Variants in SUPT3H observed in about 807,000 individuals in gnomAD.
SUPT3H encodes SPT3 homolog, SAGA and STAGA complex component, also known as transcription initiation protein SPT3 homolog.
In SUPT3H, 44 loss-of-function variants were observed where a neutral mutation model predicts 44.3. The observed-to-expected ratio is 0.99, with a 90% CI of 0.78 to 1.28. The LOEUF is 1.28. SUPT3H is among the 50% of genes most tolerant of loss of function. The pLI is 0.00. For synonymous variants in SUPT3H, 124 were observed against 125.6 expected, an observed-to-expected ratio of 0.99 and a Z score of 0.09; for missense variants, 380 against 387.1, an observed-to-expected ratio of 0.98 and a Z score of 0.15.
At chr6:44,915,682 C>T (rs1767700760) in intron 10 of SUPT3H, among the ~76,000 whole-genome samples, 1 of 152,142 alleles carries the variant, frequency 6.6e-6, no homozygotes, top group African/African-American at 2.4e-5. Context: ...TTTTGGTCTC[C>T]ACAACCTCTT....
chr6:45,119,776 T>C (rs955186590), intron 2 of SUPT3H, among the ~76,000 whole-genome samples: 2 of 152,180 alleles, frequency 1.3e-5, no homozygotes, highest in Non-Finnish European at 2.9e-5. Flanking sequence ...GTTTGAAATT[T>C]CATTAAACTT....
intron 2 of SUPT3H, among the ~76,000 whole-genome samples, chr6:45,136,616 A>AC (rs544687178): frequency 2.4e-4 from 36 of 152,220 alleles, no homozygotes; most frequent in African/African-American, 8.7e-4. Context: ...TAAAAAAAAA[A>AC]ACAGAAATTC....
intron 9 of SUPT3H, among the ~76,000 whole-genome samples, chr6:44,942,748 C>A (rs1246431695): frequency 2.0e-5 from 3 of 152,124 alleles, no homozygotes; most frequent in Non-Finnish European, 4.4e-5. Context: ...TTTACTAACC[C>A]CTAAGTTCTT....
At chr6:45,329,646 G>T (rs1787058155) in intron 2 of SUPT3H, among the ~76,000 whole-genome samples, 1 of 151,826 alleles carries the variant, frequency 6.6e-6, no homozygotes, top group Admixed American at 6.6e-5. Flanking sequence ...GAAAAATAAA[G>T]CTCCATAAGG....
chr6:45,170,518 A>C (rs1810595882), intron 2 of SUPT3H, among the ~76,000 whole-genome samples: 1 of 152,240 alleles, frequency 6.6e-6, no homozygotes, highest in South Asian at 2.1e-4. Flanking sequence ...AAATCAGTTC[A>C]GCGAAATTCT....
At chr6:45,212,864 C>A (rs972048961) in intron 2 of SUPT3H, among the ~76,000 whole-genome samples, 1 of 152,128 alleles carries the variant, frequency 6.6e-6, no homozygotes, top group Admixed American at 6.5e-5. Flanking sequence ...GTCCTTCCCC[C>A]ACCATGGATG....
intron 2 of SUPT3H, among the ~76,000 whole-genome samples, chr6:45,189,820 G>A (rs540568832): frequency 6.6e-5 from 10 of 152,168 alleles, no homozygotes; most frequent in Admixed American, 3.9e-4. Context: ...ATAACCCCAC[G>A]TTCCTTGATG....
At chr6:45,328,253 T>C (rs1418290517) in intron 2 of SUPT3H, 1 of 1,332,488 alleles carries the variant, frequency 7.5e-7, no homozygotes, top group Non-Finnish European at 1.0e-6. Context: ...ACCACATGAT[T>C]CTGCCTCTCC....
At chr6:45,369,988 T>C (rs1795785820) in intron 1 of SUPT3H, among the ~76,000 whole-genome samples, 1 of 152,174 alleles carries the variant, frequency 6.6e-6, no homozygotes, top group Non-Finnish European at 1.5e-5. Context: ...GCAGATCTTA[T>C]AAAGCCTTTA....
intron 2 of SUPT3H, among the ~76,000 whole-genome samples, chr6:45,166,657 G>C (rs866291738): frequency 6.7e-6 from 1 of 149,652 alleles, no homozygotes; most frequent in African/African-American, 2.4e-5. Flanking sequence ...GTAATATCAC[G>C]ACTCAGTAAA....
At chr6:44,880,042 G>A (rs749257212) in intron 10 of SUPT3H, among the ~76,000 whole-genome samples, 16 of 152,052 alleles carry the variant, frequency 1.1e-4, no homozygotes, top group African/African-American at 3.1e-4. Context: ...ACAACTCCTC[G>A]CCAGCAAGGG....
intron 2 of SUPT3H, among the ~76,000 whole-genome samples, chr6:45,319,143 A>G (rs1302879036): frequency 6.6e-6 from 1 of 152,102 alleles, no homozygotes; most frequent in Non-Finnish European, 1.5e-5. Context: ...GGGTTTGTAT[A>G]TGTGTGTGTT....
At chr6:45,142,988 G>GT (rs1267597411) in intron 2 of SUPT3H, among the ~76,000 whole-genome samples, 4 of 151,608 alleles carry the variant, frequency 2.6e-5, no homozygotes, top group Non-Finnish European at 5.9e-5. Context: ...TAATAAAAGA[G>GT]TAAGTCCAAC....
chr6:45,013,070 T>G (rs1391948148), intron 5 of SUPT3H, among the ~76,000 whole-genome samples: 1 of 152,124 alleles, frequency 6.6e-6, no homozygotes, highest in East Asian at 1.9e-4. Flanking sequence ...AATTGACAGC[T>G]GTTTGCTCCA....
chr6:45,323,579 A>G (rs932828300), intron 2 of SUPT3H, among the ~76,000 whole-genome samples: 12 of 152,110 alleles, frequency 7.9e-5, no homozygotes, highest in African/African-American at 2.7e-4. Flanking sequence ...GCAATAAAAG[A>G]CATCTTAAAA....
chr6:45,286,904 A>G (rs1779386466), intron 2 of SUPT3H, among the ~76,000 whole-genome samples: 1 of 152,216 alleles, frequency 6.6e-6, no homozygotes, highest in African/African-American at 2.4e-5. Context: ...ATGGAATACT[A>G]TGCAGCCCTA....
intron 10 of SUPT3H, among the ~76,000 whole-genome samples, chr6:44,911,833 T>A (rs1181366866): frequency 6.6e-6 from 1 of 152,184 alleles, no homozygotes; most frequent in Non-Finnish European, 1.5e-5. Context: ...GAACCTTGAA[T>A]TAGAACATGG....
intron 4 of SUPT3H, among the ~76,000 whole-genome samples, chr6:45,018,919 A>G (rs1036268277): frequency 1.3e-5 from 2 of 152,090 alleles, no homozygotes; most frequent in African/African-American, 4.8e-5. Flanking sequence ...TTCAGAAGGA[A>G]TCGTACCAGT....
chr6:45,034,822 TA>T (rs1384384752), intron 3 of SUPT3H, among the ~76,000 whole-genome samples: 3 of 152,152 alleles, frequency 2.0e-5, no homozygotes, highest in Non-Finnish European at 4.4e-5. Context: ...ATTTTACAGA[TA>T]AGAAATCTGT....
Sources: gnomAD v4.1 joint callset for allele counts (sites outside exome capture counted in the v4.1 genomes callset) on GRCh38, gnomAD v4.1.1 for gene constraint, MANE v1.5 for transcripts, NCBI Gene and HGNC (gene_info 2026-07-23, HGNC 2026-07-21) for gene names.